The following CPQ variants were observed in gnomAD, a reference collection of about 807,000 sequenced individuals.
The protein encoded by CPQ is carboxypeptidase Q.
A neutral mutation model predicts 45.7 loss-of-function variants in CPQ; 37 were observed. The observed-to-expected ratio is 0.81, with a 90% CI of 0.62 to 1.07. The LOEUF is 1.07. CPQ is among the 50% of genes least tolerant of loss of function. The pLI, the probability that CPQ is intolerant of heterozygous loss-of-function variation, is 0.00. For missense variants in CPQ, 537 were observed against 572.9 expected, an observed-to-expected ratio of 0.94 and a Z score of 0.64; for synonymous variants, 186 against 205.8, an observed-to-expected ratio of 0.90 and a Z score of 0.82.
intron 4 of CPQ, among the ~76,000 whole-genome samples, chr8:96,960,938 C>G (rs1813450162): frequency 6.6e-6 from 1 of 152,118 alleles, no homozygotes; most frequent in East Asian, 1.9e-4. Context: ...GACTATTCCA[C>G]AATGTATCGA....
intron 1 of CPQ, among the ~76,000 whole-genome samples, chr8:96,767,745 G>A (rs1012666624): frequency 1.9e-4 from 27 of 141,330 alleles, no homozygotes; most frequent in African/African-American, 6.6e-4. Flanking sequence ...CCAGATTCAA[G>A]CGATTCTCCT....
chr8:97,137,640 T>C (rs1812083915), intron 7 of CPQ, among the ~76,000 whole-genome samples: 1 of 152,228 alleles, frequency 6.6e-6, no homozygotes, highest in African/African-American at 2.4e-5. Context: ...TGGCATAAAG[T>C]ATTTTCTGGT....
chr8:96,745,796 C>T (rs1166429807), intron 1 of CPQ, among the ~76,000 whole-genome samples: 1 of 152,158 alleles, frequency 6.6e-6, no homozygotes, highest in Non-Finnish European at 1.5e-5. Context: ...AAGTAATGAA[C>T]TATCATTTGA....
intron 3 of CPQ, among the ~76,000 whole-genome samples, chr8:96,844,779 A>G (rs1252944357): frequency 1.3e-5 from 2 of 152,170 alleles, no homozygotes; most frequent in Non-Finnish European, 2.9e-5. Flanking sequence ...CTCAGTGTTC[A>G]AAGACTCAAA....
intron 5 of CPQ, among the ~76,000 whole-genome samples, chr8:96,998,045 T>A (rs761788858): frequency 1.8e-4 from 28 of 152,104 alleles, no homozygotes; most frequent in Non-Finnish European, 3.7e-4. Context: ...TTATCCTGTC[T>A]CCTCAGTCTT....
intron 5 of CPQ, among the ~76,000 whole-genome samples, chr8:96,974,733 A>T (rs1813746296): frequency 6.6e-6 from 1 of 152,206 alleles, no homozygotes; most frequent in African/African-American, 2.4e-5. Context: ...ATGTAAATAC[A>T]TGGAAATTAA....
intron 5 of CPQ, among the ~76,000 whole-genome samples, chr8:96,990,117 C>T (rs766243767): frequency 6.6e-6 from 1 of 152,172 alleles, no homozygotes; most frequent in Non-Finnish European, 1.5e-5. Flanking sequence ...GTGCCCTTCT[C>T]CTCCAACTCC....
chr8:96,731,847 C>A (rs554064314), intron 1 of CPQ, among the ~76,000 whole-genome samples: 6 of 151,962 alleles, frequency 3.9e-5, no homozygotes, highest in African/African-American at 1.4e-4. Context: ...ACATATTCTT[C>A]CCTATTTTTT....
At chr8:96,652,524 T>G (rs1250445841) in intron 1 of CPQ, among the ~76,000 whole-genome samples, 20 of 152,196 alleles carry the variant, frequency 1.3e-4, no homozygotes, top group Admixed American at 1.3e-3. Context: ...GATAGTTCTA[T>G]CTTTAGTTTT....
chr8:96,926,058 A>T (rs1812870074), intron 4 of CPQ, among the ~76,000 whole-genome samples: 1 of 152,170 alleles, frequency 6.6e-6, no homozygotes. Flanking sequence ...CTGTACCTGG[A>T]TGTGATTGCT....
intron 1 of CPQ, among the ~76,000 whole-genome samples, chr8:96,756,246 C>T (rs1810325519): frequency 6.6e-6 from 1 of 151,980 alleles, no homozygotes; most frequent in Admixed American, 6.6e-5. Context: ...TAAGCTTCAA[C>T]TTCTTGATTC....
At chr8:97,023,604 C>T (rs1809747392) in intron 5 of CPQ, among the ~76,000 whole-genome samples, 2 of 152,194 alleles carry the variant, frequency 1.3e-5, no homozygotes, top group African/African-American at 4.8e-5. Context: ...CAGTGATTTT[C>T]CTGGCTAATA....
At chr8:96,879,081 G>C (rs1159895063) in intron 3 of CPQ, among the ~76,000 whole-genome samples, 1 of 152,128 alleles carries the variant, frequency 6.6e-6, no homozygotes, top group East Asian at 1.9e-4. Flanking sequence ...ATTAATATAG[G>C]CTTCAATTAT....
intron 3 of CPQ, among the ~76,000 whole-genome samples, chr8:96,874,981 C>A (rs768300190): frequency 1.3e-5 from 2 of 151,856 alleles, no homozygotes; most frequent in Non-Finnish European, 3.0e-5. Flanking sequence ...TCTCCACATC[C>A]TCCCCAATGC....
intron 4 of CPQ, among the ~76,000 whole-genome samples, chr8:96,942,222 A>T (rs967337466): frequency 6.6e-6 from 1 of 152,308 alleles, no homozygotes; most frequent in East Asian, 1.9e-4. Context: ...CAATTATTTG[A>T]TATTTTACCA....
intron 1 of CPQ, among the ~76,000 whole-genome samples, chr8:96,768,383 T>C (rs1563492022): frequency 6.6e-6 from 1 of 152,046 alleles, no homozygotes; most frequent in Non-Finnish European, 1.5e-5. Context: ...GGAGAGCTGC[T>C]CTTTTTCCTG....
At chr8:96,833,411 G>A (rs1811485208) in intron 2 of CPQ, among the ~76,000 whole-genome samples, 1 of 152,134 alleles carries the variant, frequency 6.6e-6, no homozygotes, top group African/African-American at 2.4e-5. Context: ...ATAGAAATTT[G>A]GCTTCATTTC....
At chr8:97,045,297 C>A (rs189425645) in intron 6 of CPQ, among the ~76,000 whole-genome samples, 16 of 152,310 alleles carry the variant, frequency 1.1e-4, no homozygotes, top group African/African-American at 3.8e-4. Flanking sequence ...AAGCCATGTG[C>A]GGGATATAAT....
intron 1 of CPQ, among the ~76,000 whole-genome samples, chr8:96,708,536 C>G (rs954914663): frequency 2.4e-4 from 37 of 151,640 alleles, no homozygotes; most frequent in African/African-American, 9.0e-4. Flanking sequence ...ACAATAGAAA[C>G]TTAATTTTAA....
Sources: allele counts gnomAD v4.1 joint callset (sites outside exome capture counted in the v4.1 genomes callset), GRCh38; gene constraint gnomAD v4.1.1; transcripts MANE v1.5; gene names NCBI Gene and HGNC (gene_info 2026-07-23, HGNC 2026-07-21).